The following NLGN2 variants were observed in gnomAD, a reference collection of about 807,000 sequenced individuals.
The protein encoded by NLGN2 is neuroligin 2, also known as neuroligin-2.
In NLGN2, 11 loss-of-function variants were observed where a neutral mutation model predicts 48.6. The ratio of observed to expected loss-of-function variants is 0.23; its 90% CI spans 0.14 to 0.37. The LOEUF is 0.37. Among genes scored for constraint, NLGN2 ranks in the 10% least tolerant of loss-of-function variants. The pLI is 1.00. For missense variants in NLGN2, 801 were observed against 1,225.2 expected (o/e 0.65, Z 5.17); for synonymous variants, 548 against 550.0 (o/e 1.00, Z 0.05).
chr17:7,414,951 G>A lies in NLGN2; in HGVS notation c.845-5G>A, dbSNP rs536656260. On this transcript the variant is annotated splice_polypyrimidine_tract_variant and splice_region_variant and intron_variant, in intron 4 of 6. Coordinates refer to ENST00000302926, the MANE Select transcript of NLGN2 (RefSeq NM_020795.4). ...GCCTGGCCTGAGGTCTGCCTGTCCC[G>A]CCAGGGCTGTTCCAGAAGGCCATCG... 9.9e-6 allele frequency: 16 copies of A among 1,612,590 alleles called. No homozygotes were observed. The highest frequency in any genetic ancestry group is 4.5e-5 in the East Asian group (2 of 44,884).
At position 7,419,434 on chromosome 17, in the gene NLGN2, G is replaced by A. The variant is rs188487133; in HGVS notation, c.*1635G>A. The A allele has an allele frequency of 1.0e-4, 16 of 152,812 alleles. No homozygotes were observed. The highest frequency in any genetic ancestry group is 3.4e-3 in the Middle Eastern group (1 of 296). The allele number at this position is 152,812 out of a possible 1,614,324, so 9.5% of individuals were successfully genotyped here. On this transcript the variant is annotated 3_prime_UTR_variant, in exon 7 of 7. Coordinates refer to ENST00000302926, the MANE Select transcript of NLGN2 (RefSeq NM_020795.4). ...CTCATCTGCTGGCATTTTGTGGGGT[G>A]TTAGTGCCAAACTTGAATAGGGGCT...
rs768765671 is a variant in NLGN2 at position 7,414,863 on chromosome 17, C to A, written c.844+15C>A. 2.9e-5 allele frequency: 46 copies of A among 1,613,972 alleles called. No individual in the cohort carries two copies. The highest frequency in any genetic ancestry group is 1.0e-4 in the Admixed American group (6 of 60,010). On this transcript the variant is annotated intron_variant, in intron 4 of 6. Coordinates refer to ENST00000302926, the MANE Select transcript of NLGN2 (RefSeq NM_020795.4). ...CCATTCAGAAGGTACCAGCAGTGTC[C>A]CAGCCTGTTCCACCCTTCCCAACCC...
rs59424354 is a variant in NLGN2 at position 7,409,301 on chromosome 17, G to A, written c.457+589G>A. The stretch of plus-strand genomic sequence containing the variant: ...TTCTCTTCTCCCTTGACCCCTGTAC[G>A]CCCCTGAAGGATCAGGGAAGCTCCT... On this transcript the variant is annotated intron_variant, in intron 1 of 6. Transcript: ENST00000302926. Among the ~76,000 whole-genome samples, 447 of 152,076 alleles carry A rather than the reference G, an allele frequency of 2.9e-3. 4 individuals carry two copies. Among genetic ancestry groups the A allele is most frequent in the African/African-American group, 0.01 (428 of 41,460 alleles).
chr17:7,417,098 G>T lies in NLGN2; in HGVS notation c.1807G>T (p.Glu603Ter). 6.2e-7 allele frequency: 1 copy of T among 1,613,308 alleles called. No individual in the cohort carries two copies. Among genetic ancestry groups the T allele is most frequent in the Non-Finnish European group, 8.5e-7 (1 of 1,179,982 alleles). Residue 603 changes from glutamate (E) to a stop codon, truncating the protein, a stop_gained, in exon 7 of 7, where the codon GAG becomes TAG. Coordinates refer to ENST00000302926, the MANE Select transcript of NLGN2 (RefSeq NM_020795.4). LOFTEE classifies it low-confidence loss of function (END_TRUNC). The part of the protein sequence containing the change: ...YRANKVAFWL[E>*]LVPHLHNLHT... ...CGCCAACAAGGTGGCCTTCTGGCTG[G>T]AGCTCGTGCCCCACCTGCACAACCT...
At position 7,408,858 on chromosome 17, in the gene NLGN2, G is replaced by C. The variant is rs1327010313; in HGVS notation, c.457+146G>C. 9 of 1,441,942 alleles carry C rather than the reference G, an allele frequency of 6.2e-6. No homozygotes were observed. The highest frequency in any genetic ancestry group is 1.4e-5 in the African/African-American group (1 of 71,194). 89.3% of individuals were successfully genotyped at this position (1,441,942 alleles called of 1,614,324 possible). On this transcript the variant is annotated intron_variant, in intron 1 of 6. Coordinates refer to ENST00000302926, the MANE Select transcript of NLGN2 (RefSeq NM_020795.4). This position sits in a 1 kb window ranked among gnomAD's most constrained non-coding sequence, Gnocchi z 7.5. ...GACGGAGTGTCCCTGCAACCTCTACGTGCCCCCTGAGGATTGTAAGGGTGC... is the reference window on the plus strand; with the variant it reads ...GACGGAGTGTCCCTGCAACCTCTACCTGCCCCCTGAGGATTGTAAGGGTGC...
chr17:7,415,022 C>T lies in NLGN2; in HGVS notation c.911C>T (p.Pro304Leu). 1 of 1,613,200 alleles carries T rather than the reference C, an allele frequency of 6.2e-7. No homozygotes were observed. Among genetic ancestry groups the T allele is most frequent in the Non-Finnish European group, 8.5e-7 (1 of 1,180,026 alleles). ...TCCAGCTGGTCTGTCAACTACCAGC[C>T]GCTCAAGTACACGCGGCTGCTGGCA... ...AISSWSVNYQ[P>L]LKYTRLLAAK... Residue 304 changes from proline to leucine, a missense_variant, in exon 5 of 7, where the codon CCG (proline) becomes CTG (leucine). Transcript: ENST00000302926.
At chr17:7,407,789 A>G (rs1906702206), upstream of NLGN2, among the ~76,000 whole-genome samples, 1 of 151,852 alleles carries the variant, frequency 6.6e-6, no homozygotes. Flanking sequence ...TGAGGGGAGA[A>G]GGGCTGCTGG....
chr17:7,407,594 G>T (rs1488837913), upstream of NLGN2, among the ~76,000 whole-genome samples: 1 of 152,104 alleles, frequency 6.6e-6, no homozygotes, highest in Non-Finnish European at 1.5e-5. Flanking sequence ...TCTCTTCCTT[G>T]TCTACCTCAT....
upstream of NLGN2, among the ~76,000 whole-genome samples, chr17:7,406,262 G>A (rs903190033): frequency 6.6e-6 from 1 of 151,854 alleles, no homozygotes; most frequent in African/African-American, 2.4e-5. Context: ...GGAGAGGAGA[G>A]AGATGGGGGG....
At chr17:7,407,402 C>T (rs1906690225), upstream of NLGN2, among the ~76,000 whole-genome samples, 1 of 152,148 alleles carries the variant, frequency 6.6e-6, no homozygotes, top group East Asian at 1.9e-4. Flanking sequence ...GCAGGCAGCA[C>T]AAATCCTTAG....
chr17:7,417,432 C>T lies in NLGN2; in HGVS notation c.2141C>T (p.Pro714Leu), dbSNP rs1907156849. 7.5e-6 allele frequency: 12 copies of T among 1,599,636 alleles called. No individual in the cohort carries two copies. The highest frequency in any genetic ancestry group is 1.0e-5 in the Non-Finnish European group (12 of 1,174,906). The change falls in exon 7 of 7, where the codon CCA (proline) becomes CTA (leucine). Residue 714 changes from proline (P) to leucine (L), a missense_variant. By Grantham distance (98) the Pro-to-Leu change is moderately conservative. Coordinates refer to ENST00000302926, the MANE Select transcript of NLGN2 (RefSeq NM_020795.4). The part of the protein sequence containing the change: ...RQELRCRRLS[P>L]PGGSGSGVPG... ...GAGCTGCGGTGCAGGCGGCTTAGCC[C>T]ACCTGGCGGCTCAGGCTCTGGCGTG...
chr17:7,408,690 C>T lies in NLGN2; in HGVS notation c.435C>T (p.Asn145=), dbSNP rs775315313. ...QNQSEDCLYL[N]LYVPTEDGPL... ...AGAGCGAGGACTGCCTGTACCTCAA[C>T]CTCTACGTGCCCACCGAGGACGGTA... The change falls in exon 1 of 7, where the codon AAC becomes AAT. Residue 145 remains asparagine (N), a synonymous_variant. Coordinates refer to ENST00000302926, the MANE Select transcript of NLGN2 (RefSeq NM_020795.4). This position sits in a 1 kb window ranked among gnomAD's most constrained non-coding sequence, Gnocchi z 7.5. 22 of 1,613,060 alleles carry T rather than the reference C, an allele frequency of 1.4e-5. No homozygotes were observed. In the Middle Eastern group the frequency reaches 6.6e-4, roughly 48 times the overall value.
At chr17:7,415,350 C>A (rs1907057841) in intron 5 of NLGN2, among the ~76,000 whole-genome samples, 161 bp from the exon 6 acceptor site, 2 of 152,356 alleles carry the variant, frequency 1.3e-5, no homozygotes, top group South Asian at 4.1e-4. Flanking sequence ...TTTGGGATGA[C>A]TTCCAGAGAG....
Position 7,408,324 on chromosome 17 carries a change from C to T in NLGN2, c.69C>T (p.Gly23=). Residue 23 remains glycine (G), a synonymous_variant, in exon 1 of 7, where the codon GGC becomes GGT. Transcript: ENST00000302926. The surrounding 1 kb of genome is among the most constrained non-coding windows in gnomAD (Gnocchi z 7.5). ...AACGCGGGGGAGGGGGTCCCGGCGG[C>T]GGCGCCCCGGGCGGCCCCGGCCTGG... ...GAQRGGGGPG[G]GAPGGPGLGL... is the part of the protein sequence containing the mutation. The T allele has an allele frequency of 2.9e-6, 4 of 1,400,120 alleles. No individual in the cohort carries two copies. The highest frequency in any genetic ancestry group is 3.7e-6 in the Non-Finnish European group (4 of 1,086,398). The allele number at this position is 1,400,120 out of a possible 1,614,324, so 86.7% of individuals were successfully genotyped here. A position where few individuals can be genotyped will look rare whatever the true frequency, so the allele number is the denominator to read the frequency against.
rs1464277322 is a variant in NLGN2 at position 7,417,738 on chromosome 17, C to T, written c.2447C>T (p.Pro816Leu). 1 of 1,198,172 alleles carries T rather than the reference C, an allele frequency of 8.3e-7. No individual in the cohort carries two copies. Among genetic ancestry groups the T allele is most frequent in the Non-Finnish European group, 1.1e-6 (1 of 916,012 alleles). 74.2% of individuals were successfully genotyped at this position (1,198,172 alleles called of 1,614,324 possible). The part of the protein sequence containing the change: ...LHPFGPFPPP[P>L]PTATSHNNTL... The stretch of plus-strand genomic sequence containing the variant: ...CCCTTCGGGCCCTTCCCCCCGCCCC[C>T]TCCCACCGCCACCAGCCACAACAAC... Residue 816 changes from proline to leucine, a missense_variant, in exon 7 of 7, where the codon CCT (proline) becomes CTT (leucine). Around this residue, in one of 5 missense-constraint regions of NLGN2, gnomAD observed 276 missense variants for 313.9 expected, o/e 0.88. Transcript: ENST00000302926.
Position 7,417,839 on chromosome 17 carries a change from C to A in NLGN2, c.*40C>A. 1 of 1,350,436 alleles carries A rather than the reference C, an allele frequency of 7.4e-7. No homozygotes were observed. Among genetic ancestry groups the A allele is most frequent in the Non-Finnish European group, 9.4e-7 (1 of 1,059,018 alleles). 83.7% of individuals were successfully genotyped at this position (1,350,436 alleles called of 1,614,324 possible). ...GGCCCTCCTCCCCGGCCCTCCCTGG[C>A]CCGGCCACTCCGAAGGCAGGGAGGA... On this transcript the variant is annotated 3_prime_UTR_variant, in exon 7 of 7. Coordinates refer to ENST00000302926, the MANE Select transcript of NLGN2 (RefSeq NM_020795.4).
chr17:7,412,115 C>T (rs1191417071), intron 1 of NLGN2, 42 bp from the exon 2 acceptor site: 12 of 1,525,016 alleles, frequency 7.9e-6, no homozygotes, highest in Non-Finnish European at 1.1e-5. Flanking sequence ...TCTTTCCCCA[C>T]AAAATTGTCC....
At position 7,411,309 on chromosome 17, in the gene NLGN2, G is replaced by A. The variant is rs1004865007; in HGVS notation, c.458-848G>A. 3.9e-5 allele frequency among the ~76,000 whole-genome samples: 6 copies of A among 152,198 alleles called. No individual in the cohort carries two copies. Among genetic ancestry groups the A allele is most frequent in the African/African-American group, 1.2e-4 (5 of 41,444 alleles). On this transcript the variant is annotated intron_variant, in intron 1 of 6. Transcript: ENST00000302926. This position sits in a 1 kb window ranked among gnomAD's most constrained non-coding sequence, Gnocchi z 4.5. Reference sequence around the variant, plus strand: ...CCTGGTGGGAAATTCACCATTTTGGGGGGAGGAGAGGAAGCCTGGGTAAGG... The same window carrying A: ...CCTGGTGGGAAATTCACCATTTTGGAGGGAGGAGAGGAAGCCTGGGTAAGG...
At chr17:7,414,552 C>T (rs955328926) in intron 3 of NLGN2, 59 bp downstream of exon 3, 7 of 1,611,150 alleles carry the variant, frequency 4.3e-6, no homozygotes, top group Non-Finnish European at 5.1e-6. Context: ...GCCTGGTGGG[C>T]AGGGTTCCTC....
Sources: allele counts gnomAD v4.1 joint callset (sites outside exome capture counted in the v4.1 genomes callset), GRCh38; gene constraint gnomAD v4.1.1; regional missense constraint gnomAD v4.1.1; non-coding constraint Gnocchi (gnomAD v3.1); transcripts MANE v1.5; gene names NCBI Gene and HGNC (gene_info 2026-07-23, HGNC 2026-07-21).